QRICH1: variants seen among roughly 807,000 people sequenced by gnomAD.
The protein encoded by QRICH1 is glutamine rich 1.
A neutral mutation model predicts 87.1 loss-of-function variants in QRICH1; 16 were observed. That is an observed-to-expected ratio of 0.18 (90% confidence interval 0.12 to 0.28). QRICH1 has a LOEUF of 0.28. Among genes scored for constraint, QRICH1 ranks in the 10% least tolerant of loss-of-function variants. The pLI is 1.00. For missense variants in QRICH1, 647 were observed against 951.7 expected (o/e 0.68, Z 4.21); for synonymous variants, 367 against 368.4 (o/e 1.00, Z 0.05).
At chr3:49,067,207 C>T (rs2093473610) in intron 2 of QRICH1, among the ~76,000 whole-genome samples, 1 of 152,140 alleles carries the variant, frequency 6.6e-6, no homozygotes, top group Non-Finnish European at 1.5e-5. Context: ...AACAAAATTA[C>T]AAATAATCTG....
At chr3:49,080,569 A>C (rs1032937418) in intron 1 of QRICH1, among the ~76,000 whole-genome samples, 1 of 152,154 alleles carries the variant, frequency 6.6e-6, no homozygotes, top group Non-Finnish European at 1.5e-5. Context: ...AACCTTCGTG[A>C]CTATTGCCCA....
At chr3:49,071,840 A>C (rs951650941) in intron 2 of QRICH1, among the ~76,000 whole-genome samples, 1 of 152,146 alleles carries the variant, frequency 6.6e-6, no homozygotes, top group Non-Finnish European at 1.5e-5. Context: ...TCACACAAGC[A>C]AGCCACCATA....
intron 2 of QRICH1, among the ~76,000 whole-genome samples, chr3:49,068,707 C>T (rs1019229883): frequency 5.0e-4 from 76 of 151,776 alleles, no homozygotes; most frequent in African/African-American, 1.8e-3. Context: ...CGGCTCACTG[C>T]AACCTCCGCT....
At chr3:49,060,887 T>C (rs1047147124) in intron 2 of QRICH1, among the ~76,000 whole-genome samples, 6 of 151,698 alleles carry the variant, frequency 4.0e-5, no homozygotes, top group Non-Finnish European at 8.8e-5. Flanking sequence ...TCCCAGTACT[T>C]TGGGAGGCTG....
intron 1 of QRICH1, chr3:49,083,233 G>C (rs1309245160): frequency 1.4e-5 from 2 of 145,342 alleles, no homozygotes; most frequent in African/African-American, 5.1e-5. Context: ...GGGGGGGGGA[G>C]CCTGGGATGA....
chr3:49,042,413 A>G (rs2093315890), intron 6 of QRICH1, among the ~76,000 whole-genome samples: 1 of 152,036 alleles, frequency 6.6e-6, no homozygotes, highest in African/African-American at 2.4e-5. Flanking sequence ...ACACACAGGA[A>G]TCTTAAAGGC....
chr3:49,047,192 G>A lies in QRICH1; in HGVS notation c.1393C>T (p.Pro465Ser), dbSNP rs760432401. ...VEPQSQPQPS[P>S]ELLLPNSLKP... ...AAAGAATTTGGAAGCAGAAGTTCTGGGGAAGGCTGTGGCTGTGACTGTGGT... is the reference window on the plus strand; with the variant it reads ...AAAGAATTTGGAAGCAGAAGTTCTGAGGAAGGCTGTGGCTGTGACTGTGGT... Residue 465 changes from proline (P) to serine (S), a missense_variant, in exon 4 of 10, where the codon CCA (proline) becomes TCA (serine). Physicochemically the swap from Pro to Ser is moderately conservative, Grantham distance 74. Coordinates refer to ENST00000395443, the MANE Select transcript of QRICH1 (RefSeq NM_198880.3). 1 of 1,614,136 alleles carries A rather than the reference G, an allele frequency of 6.2e-7. No individual in the cohort carries two copies. Among genetic ancestry groups the A allele is most frequent in the Non-Finnish European group, 8.5e-7 (1 of 1,180,024 alleles).
chr3:49,039,863 C>T (rs1489169335), intron 6 of QRICH1, among the ~76,000 whole-genome samples: 1 of 151,984 alleles, frequency 6.6e-6, no homozygotes, highest in Non-Finnish European at 1.5e-5. Context: ...AGTTTGAGAC[C>T]AGCCTGGCCA....
Position 49,057,248 on chromosome 3 carries a change from G to T in QRICH1, c.952C>A (p.Pro318Thr). ...CTCTGCTGCTGAGGGTCCCCCCGGG[G>T]CTGGGCAGAATAAACAGGGATGGTC... ...TWTIPVYSAQ[P>T]RGDPQQQSIT... The change falls in exon 3 of 10, where the codon CCC (proline) becomes ACC (threonine). Residue 318 changes from proline (P) to threonine (T), a missense_variant. Coordinates refer to ENST00000395443, the MANE Select transcript of QRICH1 (RefSeq NM_198880.3). The surrounding 1 kb of genome is among the most constrained non-coding windows in gnomAD (Gnocchi z 5.4). 3.1e-6 allele frequency: 5 copies of T among 1,614,210 alleles called. No homozygotes were observed. Among genetic ancestry groups the T allele is most frequent in the Non-Finnish European group, 4.2e-6 (5 of 1,180,034 alleles).
intron 1 of QRICH1, among the ~76,000 whole-genome samples, chr3:49,088,671 G>C (rs1034348168): frequency 6.8e-6 from 1 of 147,288 alleles, no homozygotes; most frequent in Non-Finnish European, 1.5e-5. Flanking sequence ...CACTACCCAG[G>C]ATAAAATGCA....
intron 2 of QRICH1, among the ~76,000 whole-genome samples, chr3:49,067,240 G>A (rs763554591): frequency 1.3e-5 from 2 of 152,078 alleles, no homozygotes; most frequent in South Asian, 2.1e-4. Flanking sequence ...ATCCAAAATA[G>A]TAAGAATTTA....
intron 1 of QRICH1, among the ~76,000 whole-genome samples, chr3:49,079,922 G>A (rs1575377267): frequency 6.6e-6 from 1 of 152,020 alleles, no homozygotes; most frequent in Non-Finnish European, 1.5e-5. Context: ...CCAGCTACTC[G>A]GGAGGCCGAG....
chr3:49,092,736 C>CA (rs1467162466), intron 1 of QRICH1, among the ~76,000 whole-genome samples: 5 of 151,866 alleles, frequency 3.3e-5, no homozygotes, highest in Admixed American at 1.3e-4. Flanking sequence ...GCGGCAGGGT[C>CA]AAAAAAAGAG....
At chr3:49,055,926 G>A (rs1370837296) in intron 3 of QRICH1, among the ~76,000 whole-genome samples, 3 of 152,026 alleles carry the variant, frequency 2.0e-5, no homozygotes. Flanking sequence ...TGACTCACCC[G>A]CCTTGGCCTC....
At chr3:49,086,540 G>A (rs529755779) in intron 1 of QRICH1, among the ~76,000 whole-genome samples, 6 of 152,166 alleles carry the variant, frequency 3.9e-5, no homozygotes, top group East Asian at 3.9e-4. Flanking sequence ...GAGCCACTGC[G>A]CCTGGCTCCT....
intron 6 of QRICH1, among the ~76,000 whole-genome samples, chr3:49,041,529 T>G (rs2093309670): frequency 6.6e-6 from 1 of 152,110 alleles, no homozygotes; most frequent in East Asian, 1.9e-4. Flanking sequence ...GGTCTCACTT[T>G]GTTGACCAGG....
intron 2 of QRICH1, among the ~76,000 whole-genome samples, chr3:49,064,699 A>T (rs1028840141): frequency 6.6e-6 from 1 of 152,118 alleles, no homozygotes; most frequent in Non-Finnish European, 1.5e-5. Context: ...CCCCGTCTAT[A>T]CTAAAACAAA....
At chr3:49,033,277 T>C in intron 6 of QRICH1, 49 bp from the exon 7 acceptor site, 2 of 1,216,274 alleles carry the variant, frequency 1.6e-6, no homozygotes, top group Non-Finnish European at 2.2e-6. Context: ...AGGTGGTCTC[T>C]CAAAGGTACA....
intron 9 of QRICH1, 116 bp downstream of exon 9, chr3:49,032,067 C>A: frequency 2.3e-6 from 2 of 857,700 alleles, no homozygotes; most frequent in South Asian, 3.2e-5. Context: ...AGTGTTTTTA[C>A]TTGGTTTGGG....
Sources: allele counts gnomAD v4.1 joint callset (sites outside exome capture counted in the v4.1 genomes callset), GRCh38; gene constraint gnomAD v4.1.1; non-coding constraint Gnocchi (gnomAD v3.1); transcripts MANE v1.5; gene names NCBI Gene and HGNC (gene_info 2026-07-23, HGNC 2026-07-21).